The following NALF1 variants were observed in gnomAD, a reference collection of about 807,000 sequenced individuals.
The protein encoded by NALF1 is NALCN channel auxiliary factor 1.
Under a neutral mutation model 48.4 loss-of-function variants are expected in NALF1, and 3 were observed. The observed-to-expected ratio is 0.06, with a 90% confidence interval of 0.03 to 0.16. The LOEUF (loss-of-function observed/expected upper bound fraction) is 0.16, where lower values mean the gene tolerates loss of function less well. Among genes scored for constraint, NALF1 ranks in the 10% least tolerant of loss-of-function variants. The pLI is 1.00. For synonymous variants in NALF1, 262 were observed against 245.7 expected, an observed-to-expected ratio of 1.07 and a Z score of -0.62; for missense variants, 526 against 571.5, an observed-to-expected ratio of 0.92 and a Z score of 0.81.
intron 1 of NALF1, among the ~76,000 whole-genome samples, chr13:107,687,502 G>GCACACA (rs57085950): frequency 0.16 from 23,100 of 148,928 alleles, 1,897 homozygotes; most frequent in South Asian, 0.24. Flanking sequence ...CAGTGCACAT[G>GCACACA]CACACACACA....
intron 1 of NALF1, among the ~76,000 whole-genome samples, chr13:107,264,262 T>G (rs1880997726): frequency 6.6e-6 from 1 of 152,244 alleles, no homozygotes; most frequent in African/African-American, 2.4e-5. Flanking sequence ...AGCAATTAAT[T>G]AACAAAACTG....
At chr13:107,523,995 A>G (rs1451877441) in intron 1 of NALF1, among the ~76,000 whole-genome samples, 1 of 152,158 alleles carries the variant, frequency 6.6e-6, no homozygotes, top group Non-Finnish European at 1.5e-5. Context: ...TTGTGTAGAC[A>G]ATTCCCCACT....
At chr13:107,620,514 T>C (rs1879491736) in intron 1 of NALF1, among the ~76,000 whole-genome samples, 1 of 152,198 alleles carries the variant, frequency 6.6e-6, no homozygotes, top group South Asian at 2.1e-4. Context: ...CACCATGGGA[T>C]GTGTTCCCTA....
chr13:107,509,934 T>C (rs1353633172), intron 1 of NALF1, among the ~76,000 whole-genome samples: 1 of 152,028 alleles, frequency 6.6e-6, no homozygotes, highest in Non-Finnish European at 1.5e-5. Context: ...GCTCCCCAAA[T>C]TAGCTAGGAC....
chr13:107,403,397 T>A (rs922326115), intron 1 of NALF1, among the ~76,000 whole-genome samples: 2 of 151,706 alleles, frequency 1.3e-5, no homozygotes, highest in South Asian at 4.2e-4. Context: ...TAGGTAAGAA[T>A]CCCACTAATT....
chr13:107,737,515 T>C (rs868830532), intron 1 of NALF1, among the ~76,000 whole-genome samples: 3 of 152,214 alleles, frequency 2.0e-5, no homozygotes, highest in Non-Finnish European at 4.4e-5. Flanking sequence ...TGATAGGTGA[T>C]TATTTCCCAT....
intron 1 of NALF1, among the ~76,000 whole-genome samples, chr13:107,709,897 T>C (rs188369881): frequency 2.6e-4 from 39 of 152,322 alleles, no homozygotes; most frequent in African/African-American, 8.4e-4. Flanking sequence ...GTCTCAAATA[T>C]AGAATATTTC....
At position 107,490,714 on chromosome 13, in the gene NALF1, G is replaced by GT. The variant is rs145697739; in HGVS notation, c.916-279960dup. Among the ~76,000 whole-genome samples, 9 of 149,208 alleles carry GT rather than the reference G, an allele frequency of 6.0e-5. No homozygotes were observed. In the South Asian group the frequency reaches 6.4e-4, roughly 11 times the overall value. On this transcript the variant is annotated intron_variant, in intron 1 of 2. Transcript: ENST00000375915. ...TGCACATGTAACCCTGAACTTAAAA[G>GT]TTTTTTTTTTAAAGGTCAATATCTG... is the stretch of plus-strand genomic sequence containing the variant.
intron 1 of NALF1, among the ~76,000 whole-genome samples, chr13:107,268,933 G>T (rs1881098350): frequency 6.6e-6 from 1 of 152,236 alleles, no homozygotes; most frequent in South Asian, 2.1e-4. Flanking sequence ...TTTATTTTAA[G>T]GATGATAGTA....
At chr13:107,531,033 T>C (rs765033963) in intron 1 of NALF1, 7 of 153,356 alleles carry the variant, frequency 4.6e-5, no homozygotes, top group Non-Finnish European at 8.8e-5. Context: ...TATATATATA[T>C]ACATCTGAGA....
chr13:107,245,763 T>A (rs1228402796), intron 1 of NALF1, among the ~76,000 whole-genome samples: 4 of 152,174 alleles, frequency 2.6e-5, no homozygotes, highest in African/African-American at 9.7e-5. Flanking sequence ...TCTTTTTTTT[T>A]ATATTCAGCC....
At chr13:107,358,350 A>T (rs1337355237) in intron 1 of NALF1, among the ~76,000 whole-genome samples, 1 of 152,200 alleles carries the variant, frequency 6.6e-6, no homozygotes, top group Non-Finnish European at 1.5e-5. Context: ...GAGTAACATG[A>T]TAACTGCTAC....
At chr13:107,325,887 T>TATATATATACAC (rs752320518) in intron 1 of NALF1, among the ~76,000 whole-genome samples, 26 of 58,868 alleles carry the variant, frequency 4.4e-4, no homozygotes, top group Middle Eastern at 0.015. Flanking sequence ...TATATATATA[T>TATATATATACAC]ACACACACAC....
intron 1 of NALF1, among the ~76,000 whole-genome samples, chr13:107,769,982 G>A (rs879774162): frequency 4.6e-5 from 7 of 152,054 alleles, no homozygotes; most frequent in Non-Finnish European, 1.0e-4. Context: ...GCGCGGTCTC[G>A]GCTCACTGCA....
chr13:107,626,567 A>G (rs1301518137), intron 1 of NALF1, among the ~76,000 whole-genome samples: 1 of 152,172 alleles, frequency 6.6e-6, no homozygotes, highest in Non-Finnish European at 1.5e-5. Flanking sequence ...AATATATAAA[A>G]TGGAATATTA....
intron 1 of NALF1, among the ~76,000 whole-genome samples, chr13:107,398,940 A>G (rs531751900): frequency 6.7e-4 from 102 of 152,292 alleles, no homozygotes; most frequent in African/African-American, 2.4e-3. Flanking sequence ...GATTATAAGG[A>G]GCTTCCGTGT....
chr13:107,539,328 C>T (rs74642192), intron 1 of NALF1, among the ~76,000 whole-genome samples: 1,694 of 152,026 alleles, frequency 0.011, 61 homozygotes, highest in African/African-American at 0.039. Flanking sequence ...AGCATACTCA[C>T]TTTTACAACC....
intron 2 of NALF1, among the ~76,000 whole-genome samples, chr13:107,191,081 C>T (rs1298270911): frequency 2.6e-5 from 4 of 152,158 alleles, no homozygotes; most frequent in South Asian, 2.1e-4. Context: ...CCCCTAGTTA[C>T]AGGGCCAGGT....
At chr13:107,507,636 C>G (rs1005955614) in intron 1 of NALF1, among the ~76,000 whole-genome samples, 6 of 144,842 alleles carry the variant, frequency 4.1e-5, no homozygotes, top group Non-Finnish European at 8.9e-5. Context: ...GCAAACACAC[C>G]CAAGACAGTA....
Sources: gnomAD v4.1 joint callset for allele counts (sites outside exome capture counted in the v4.1 genomes callset) on GRCh38, gnomAD v4.1.1 for gene constraint, MANE v1.5 for transcripts, NCBI Gene and HGNC (gene_info 2026-07-23, HGNC 2026-07-21) for gene names.